CSMD1: variants seen among roughly 807,000 people sequenced by gnomAD.
CSMD1 encodes the protein CUB and sushi domain-containing protein 1.
CSMD1 carries 213 observed loss-of-function variants against 417.5 expected under a neutral mutation model. The observed-to-expected ratio is 0.51, with a 90% CI of 0.46 to 0.57. CSMD1 has a LOEUF of 0.57. Among genes scored for constraint, CSMD1 ranks in the 20% least tolerant of loss-of-function variants. CSMD1 has a pLI of 0.00. For synonymous variants in CSMD1, 2,862 were observed against 1,736.8 expected, an observed-to-expected ratio of 1.65 and a Z score of -16.11; for missense variants, 6,923 against 4,529.7, an observed-to-expected ratio of 1.53 and a Z score of -15.17.
chr8:3,500,289 C>A (rs756354918), intron 10 of CSMD1, among the ~76,000 whole-genome samples: 1 of 152,120 alleles, frequency 6.6e-6, no homozygotes. Flanking sequence ...AAGTGCTGGG[C>A]ACTCTAGCTA....
At chr8:4,498,730 A>C (rs972208788) in intron 2 of CSMD1, among the ~76,000 whole-genome samples, 1 of 152,206 alleles carries the variant, frequency 6.6e-6, no homozygotes, top group Non-Finnish European at 1.5e-5. Context: ...GAATGCATCA[A>C]CTGTAATCTC....
intron 6 of CSMD1, among the ~76,000 whole-genome samples, chr8:3,719,464 G>C (rs12550087): frequency 0.1 from 15,630 of 152,160 alleles, 1,005 homozygotes; most frequent in East Asian, 0.17. Context: ...AAGAAAAGTG[G>C]GTGGTATTTA....
chr8:3,026,828 AC>A (rs1809965935), intron 51 of CSMD1, among the ~76,000 whole-genome samples: 1 of 152,128 alleles, frequency 6.6e-6, no homozygotes, highest in African/African-American at 2.4e-5. Context: ...TTTTATGAAA[AC>A]CCCTGAGAAC....
At chr8:4,066,239 G>C (rs1319017100) in intron 3 of CSMD1, among the ~76,000 whole-genome samples, 1 of 152,110 alleles carries the variant, frequency 6.6e-6, no homozygotes, top group African/African-American at 2.4e-5. Context: ...TTCCTTCTTT[G>C]TCTCCTGTTC....
At chr8:4,549,648 G>A (rs1017304492) in intron 2 of CSMD1, among the ~76,000 whole-genome samples, 1 of 152,008 alleles carries the variant, frequency 6.6e-6, no homozygotes, top group African/African-American at 2.4e-5. Flanking sequence ...CAGCACCTTG[G>A]GAGGCTGAGG....
intron 52 of CSMD1, among the ~76,000 whole-genome samples, chr8:3,014,710 C>G (rs561386767): frequency 6.6e-6 from 1 of 152,108 alleles, no homozygotes; most frequent in African/African-American, 2.4e-5. Context: ...CCCAGGAGTT[C>G]GTGACCAGCC....
chr8:3,206,642 G>C (rs576155830), intron 30 of CSMD1, among the ~76,000 whole-genome samples: 18 of 145,434 alleles, frequency 1.2e-4, no homozygotes, highest in South Asian at 4.4e-4. Flanking sequence ...GTCTGTGTGT[G>C]TGTGGGTGTA....
At chr8:4,704,654 G>C (rs540505867) in intron 1 of CSMD1, among the ~76,000 whole-genome samples, 1 of 152,006 alleles carries the variant, frequency 6.6e-6, no homozygotes, top group Admixed American at 6.6e-5. Flanking sequence ...CCTTCTACTG[G>C]TCATTTAAAG....
At chr8:3,765,779 T>A (rs577703514) in intron 5 of CSMD1, among the ~76,000 whole-genome samples, 10 of 152,246 alleles carry the variant, frequency 6.6e-5, no homozygotes, top group African/African-American at 2.2e-4. Flanking sequence ...TGCCCCAGCA[T>A]AGCTCCAGAG....
rs1006893078 is a variant in CSMD1, at chr8:4,828,039, A to T, written c.85+166293T>A. 2.0e-5 allele frequency among the ~76,000 whole-genome samples: 3 copies of T among 152,120 alleles called. No homozygotes were observed. The South Asian group carries it at 6.2e-4, about 32-fold the overall frequency. ...TATATATTTAAGCCAGCTACAATCA[A>T]AAGAAGCGTAGTGGGATTTTTTTTT... On this transcript the variant is annotated intron_variant, in intron 1 of 69. Coordinates refer to ENST00000635120, the MANE Select transcript of CSMD1 (RefSeq NM_033225.6).
At chr8:3,207,081 T>C (rs904277080) in intron 30 of CSMD1, among the ~76,000 whole-genome samples, 2 of 152,082 alleles carry the variant, frequency 1.3e-5, no homozygotes, top group African/African-American at 4.8e-5. Flanking sequence ...GCTTCAGTAT[T>C]TCAGAAAGAT....
At chr8:3,470,598 G>C (rs112383576) in intron 11 of CSMD1, among the ~76,000 whole-genome samples, 5 of 152,016 alleles carry the variant, frequency 3.3e-5, no homozygotes, top group Admixed American at 3.3e-4. Flanking sequence ...TGAATCCACC[G>C]CCATAGTCAA....
intron 1 of CSMD1, among the ~76,000 whole-genome samples, chr8:4,887,885 A>C (rs2116985915): frequency 6.6e-6 from 1 of 152,092 alleles, no homozygotes; most frequent in Admixed American, 6.5e-5. Flanking sequence ...ATAATGCGTT[A>C]GTTTTCATTC....
intron 8 of CSMD1, among the ~76,000 whole-genome samples, chr8:3,599,701 C>G (rs1200894319): frequency 6.6e-6 from 1 of 152,208 alleles, no homozygotes; most frequent in Non-Finnish European, 1.5e-5. Context: ...CTTTGAGTAT[C>G]TGCTGCATGC....
At chr8:3,849,997 G>A (rs920812232) in intron 5 of CSMD1, among the ~76,000 whole-genome samples, 1 of 107,984 alleles carries the variant, frequency 9.3e-6, no homozygotes, top group Non-Finnish European at 1.8e-5. Flanking sequence ...TGTATTTTTA[G>A]TTTCACGATG....
intron 2 of CSMD1, among the ~76,000 whole-genome samples, chr8:4,536,675 T>C (rs1415587504): frequency 1.3e-5 from 2 of 152,258 alleles, no homozygotes; most frequent in Non-Finnish European, 2.9e-5. Flanking sequence ...TATTTATTTA[T>C]ACTTTTATTT....
chr8:3,883,062 A>C (rs1806313656), intron 5 of CSMD1, among the ~76,000 whole-genome samples: 1 of 152,212 alleles, frequency 6.6e-6, no homozygotes, highest in South Asian at 2.1e-4. Flanking sequence ...AGCCACTGAC[A>C]TAAATGTGTC....
intron 5 of CSMD1, among the ~76,000 whole-genome samples, chr8:3,877,127 C>A (rs2975352): frequency 2.0e-5 from 3 of 152,230 alleles, no homozygotes; most frequent in East Asian, 1.9e-4. Flanking sequence ...GTGAAGCAGG[C>A]GAATTTTGCA....
At chr8:4,256,233 C>G (rs1278046117) in intron 3 of CSMD1, among the ~76,000 whole-genome samples, 5 of 152,206 alleles carry the variant, frequency 3.3e-5, no homozygotes, top group African/African-American at 1.2e-4. Flanking sequence ...TGTGCTCAAA[C>G]CAACCTTCTC....
Sources: gnomAD v4.1 joint callset for allele counts (sites outside exome capture counted in the v4.1 genomes callset) on GRCh38, gnomAD v4.1.1 for gene constraint, MANE v1.5 for transcripts, NCBI Gene and HGNC (gene_info 2026-07-23, HGNC 2026-07-21) for gene names.